The following LRRC2 variants were observed in gnomAD, a reference collection of about 807,000 sequenced individuals.
LRRC2 encodes the protein leucine-rich repeat-containing protein 2.
LRRC2 carries 27 observed loss-of-function variants against 40.2 expected under a neutral mutation model. That is an observed-to-expected ratio of 0.67 (90% confidence interval 0.49 to 0.93). The LOEUF is 0.93. Among genes scored for constraint, LRRC2 ranks in the 40% least tolerant of loss-of-function variants. The pLI, the probability that LRRC2 is intolerant of heterozygous loss-of-function variation, is 0.00. For synonymous variants in LRRC2, 147 were observed against 158.9 expected (o/e 0.92, Z 0.56); for missense variants, 402 against 439.6 (o/e 0.91, Z 0.76).
At chr3:46,521,978 A>T (rs1703971767) in intron 7 of LRRC2, among the ~76,000 whole-genome samples, 1 of 152,222 alleles carries the variant, frequency 6.6e-6, no homozygotes, top group African/African-American at 2.4e-5. Context: ...GCATGTCGTC[A>T]TGCAATGTTT....
At chr3:46,527,136 C>T (rs1279869780) in intron 7 of LRRC2, among the ~76,000 whole-genome samples, 1 of 152,184 alleles carries the variant, frequency 6.6e-6, no homozygotes, top group Non-Finnish European at 1.5e-5. Flanking sequence ...AGGCCAGCAG[C>T]GATGTGAGCA....
chr3:46,562,036 T>C (rs1704956290), intron 1 of LRRC2, among the ~76,000 whole-genome samples: 1 of 152,220 alleles, frequency 6.6e-6, no homozygotes, highest in African/African-American at 2.4e-5. Context: ...GTCTTTCACA[T>C]TCTTCCCTTT....
intron 1 of LRRC2, chr3:46,559,209 G>T (rs1322814392): frequency 1.3e-5 from 2 of 152,184 alleles, no homozygotes; most frequent in African/African-American, 4.8e-5. Context: ...CGACTTAAAA[G>T]TCTCCATAAA....
chr3:46,534,603 T>C (rs566774810), intron 4 of LRRC2, among the ~76,000 whole-genome samples: 1 of 152,276 alleles, frequency 6.6e-6, no homozygotes, highest in Non-Finnish European at 1.5e-5. Flanking sequence ...GGGGATCATC[T>C]GTAATTCCAA....
At chr3:46,543,650 A>AATAATAAT (rs1237863381) in intron 3 of LRRC2, among the ~76,000 whole-genome samples, 25 of 46,336 alleles carry the variant, frequency 5.4e-4, no homozygotes, top group African/African-American at 1.6e-3. Context: ...TAATAATAAT[A>AATAATAAT]AATAATAAAT....
At position 46,527,572 on chromosome 3, in the gene LRRC2, C is replaced by G; in HGVS notation, c.783G>C (p.Glu261Asp). 1.2e-6 allele frequency: 2 copies of G among 1,613,948 alleles called. No individual in the cohort carries two copies. The highest frequency in any genetic ancestry group is 1.7e-6 in the Non-Finnish European group (2 of 1,179,852). Residue 261 changes from glutamate (E) to aspartate (D), a missense_variant, in exon 7 of 9, where the codon GAG becomes GAC. By Grantham distance (45) the Glu-to-Asp change is conservative. Transcript: ENST00000395905. ...TTTTATACAAGAGAAAGCTCTGCAG[C>G]TCCTCTAGCCTAAGAAGAGGTAAAA... ...DLPQDIDRLE[E>D]LQSFLLYKNK...
At chr3:46,554,400 C>A (rs1704740120) in intron 1 of LRRC2, among the ~76,000 whole-genome samples, 1 of 152,020 alleles carries the variant, frequency 6.6e-6, no homozygotes, top group African/African-American at 2.4e-5. Context: ...AATCCCAGTA[C>A]TTTGGGAGGC....
At chr3:46,554,951 G>T (rs1393570639) in intron 1 of LRRC2, among the ~76,000 whole-genome samples, 2 of 152,074 alleles carry the variant, frequency 1.3e-5, no homozygotes, top group Non-Finnish European at 2.9e-5. Flanking sequence ...GGTGTGAAGA[G>T]GTATCTTGTT....
chr3:46,524,422 T>C (rs1277344519), intron 7 of LRRC2, among the ~76,000 whole-genome samples: 5 of 152,220 alleles, frequency 3.3e-5, no homozygotes, highest in African/African-American at 4.8e-5. Flanking sequence ...CCTGTTGATA[T>C]AAAAATTCTT....
At chr3:46,519,144 G>C in intron 8 of LRRC2, 81 bp from the exon 9 acceptor site, 19 of 923,904 alleles carry the variant, frequency 2.1e-5, no homozygotes, top group Non-Finnish European at 3.4e-5. Context: ...CATACATAAT[G>C]AATGTATGTC....
chr3:46,557,663 T>G (rs1704838169), intron 1 of LRRC2: 1 of 152,222 alleles, frequency 6.6e-6, no homozygotes, highest in Non-Finnish European at 1.5e-5. Context: ...ATCTTTCCAT[T>G]CATACCCCAG....
intron 4 of LRRC2, among the ~76,000 whole-genome samples, chr3:46,538,828 T>C (rs1315362650): frequency 1.3e-5 from 2 of 152,218 alleles, no homozygotes; most frequent in Non-Finnish European, 2.9e-5. Flanking sequence ...AATTGGCAAG[T>C]GTCCTGTGTG....
chr3:46,529,886 T>A lies in LRRC2; in HGVS notation c.773+19A>T. 1.2e-6 allele frequency: 2 copies of A among 1,613,878 alleles called. No individual in the cohort carries two copies. The highest frequency in any genetic ancestry group is 1.7e-6 in the Non-Finnish European group (2 of 1,179,856). On this transcript the variant is annotated intron_variant, in intron 6 of 8. Transcript: ENST00000395905. ...TAGTAACTAATACATACACCTCACC[T>A]TAGAATGCAAGTAGCTACCTGTCTA...
At chr3:46,533,705 CCTTCCTT>C (rs1400608773) in intron 4 of LRRC2, among the ~76,000 whole-genome samples, 2 of 70,102 alleles carry the variant, frequency 2.9e-5, no homozygotes, top group African/African-American at 1.0e-4. Context: ...TTCACAGTTT[CCTTCCTT>C]CCTTCCTTCC....
At chr3:46,561,966 C>T (rs1704954974) in intron 1 of LRRC2, among the ~76,000 whole-genome samples, 1 of 152,182 alleles carries the variant, frequency 6.6e-6, no homozygotes, top group East Asian at 1.9e-4. Flanking sequence ...CTTTAGTGGA[C>T]AATAAAATGT....
At chr3:46,554,641 T>TAAAAA (rs34382739) in intron 1 of LRRC2, among the ~76,000 whole-genome samples, 10 of 137,360 alleles carry the variant, frequency 7.3e-5, no homozygotes, top group South Asian at 2.4e-4. Flanking sequence ...GACTCTGTCT[T>TAAAAA]AAAAAAAAAA....
chr3:46,533,415 G>C (rs1443021843), intron 4 of LRRC2, among the ~76,000 whole-genome samples: 1 of 152,138 alleles, frequency 6.6e-6, no homozygotes, highest in Admixed American at 6.5e-5. Context: ...GAGTAAAAAT[G>C]TTTAAATACA....
rs746674161 is a variant in LRRC2, at chr3:46,519,076, G to GA, written c.1067-14dup. ...CTGGGAACAGATTCTGTAACAGAAAGAAAAAAGTATGCTCAATCATTCACC... is the reference window on the plus strand; with the variant it reads ...CTGGGAACAGATTCTGTAACAGAAAGAAAAAAAGTATGCTCAATCATTCACC... On this transcript the variant is annotated splice_polypyrimidine_tract_variant and intron_variant, in intron 8 of 8. Transcript: ENST00000395905. 6.3e-7 allele frequency: 1 copy of GA among 1,595,708 alleles called. No individual in the cohort carries two copies. Among genetic ancestry groups the GA allele is most frequent in the African/African-American group, 1.3e-5 (1 of 74,516 alleles).
chr3:46,515,952 C>CTTTTTTTTT lies in LRRC2; in HGVS notation c.*3053_*3061dup, dbSNP rs35530625. 8.5e-5 allele frequency: 10 copies of CTTTTTTTTT among 117,104 alleles called. No homozygotes were observed. Among genetic ancestry groups the CTTTTTTTTT allele is most frequent in the African/African-American group, 2.9e-4 (7 of 24,022 alleles). 7.3% of individuals were successfully genotyped at this position (117,104 alleles called of 1,614,324 possible). On this transcript the variant is annotated 3_prime_UTR_variant, in exon 9 of 9. Coordinates refer to ENST00000395905, the MANE Select transcript of LRRC2 (RefSeq NM_024512.5). ...TTTCCTACTCTTTTCATCTCTCTCT[C>CTTTTTTTTT]TTTTTTTTTTTTTTTTTTTTTTTTT...
Sources: gnomAD v4.1 joint callset for allele counts (sites outside exome capture counted in the v4.1 genomes callset) on GRCh38, gnomAD v4.1.1 for gene constraint, MANE v1.5 for transcripts, NCBI Gene and HGNC (gene_info 2026-07-23, HGNC 2026-07-21) for gene names.